Variants in CENPW observed in about 807,000 individuals in gnomAD.
CENPW encodes centromere protein W, also known as cancer-up-regulated gene 2 protein.
Under a neutral mutation model 11.1 loss-of-function variants are expected in CENPW, and 3 were observed. The observed-to-expected ratio is 0.27, with a 90% CI of 0.12 to 0.70. CENPW has a LOEUF of 0.70. CENPW is among the 30% of genes least tolerant of loss of function. CENPW has a pLI of 0.77. For missense variants in CENPW, 100 were observed against 105.6 expected (o/e 0.95, Z 0.23); for synonymous variants, 38 against 42.0 (o/e 0.91, Z 0.37).
the CENPW span, among the ~76,000 whole-genome samples, chr6:126,389,988 T>G: frequency 1.3e-5 from 2 of 151,950 alleles, no homozygotes; most frequent in African/African-American, 4.8e-5. Context: ...CACATACTAG[T>G]CTTTGTAGCC....
At chr6:126,441,186 C>T in the CENPW span, among the ~76,000 whole-genome samples, 1 of 151,328 alleles carries the variant, frequency 6.6e-6, no homozygotes, top group Non-Finnish European at 1.5e-5. Flanking sequence ...GCAATTAGTT[C>T]TGTTATGGCT....
chr6:126,414,473 C>T, the CENPW span, among the ~76,000 whole-genome samples: 14 of 152,014 alleles, frequency 9.2e-5, no homozygotes, highest in African/African-American at 2.9e-4. Context: ...TATCAGTGAA[C>T]TAAAACTGAA....
downstream of CENPW, among the ~76,000 whole-genome samples, chr6:126,353,807 A>G (rs972146265): frequency 6.6e-6 from 1 of 151,666 alleles, no homozygotes; most frequent in African/African-American, 2.4e-5. Context: ...TAGTTTGGCT[A>G]TTTCTGTTGA....
chr6:126,470,980 T>C, the CENPW span, among the ~76,000 whole-genome samples: 1 of 152,184 alleles, frequency 6.6e-6, no homozygotes, highest in Non-Finnish European at 1.5e-5. Flanking sequence ...ACTTGCCTTG[T>C]CTCAGATGAA....
At chr6:126,410,687 CTT>C in the CENPW span, among the ~76,000 whole-genome samples, 2 of 151,674 alleles carry the variant, frequency 1.3e-5, no homozygotes, top group Non-Finnish European at 2.9e-5. Flanking sequence ...TTACCTTACT[CTT>C]TTTCATTTTT....
the CENPW span, among the ~76,000 whole-genome samples, chr6:126,369,714 C>G: frequency 6.6e-6 from 1 of 152,122 alleles, no homozygotes; most frequent in African/African-American, 2.4e-5. Context: ...AAGATTTTCT[C>G]CCACTTTGTG....
chr6:126,431,176 G>A, the CENPW span, among the ~76,000 whole-genome samples: 1 of 152,116 alleles, frequency 6.6e-6, no homozygotes, highest in South Asian at 2.1e-4. Flanking sequence ...TTGATTTTAT[G>A]AGATAAACAC....
the CENPW span, among the ~76,000 whole-genome samples, chr6:126,455,874 G>T: frequency 0.019 from 2,802 of 151,154 alleles, 87 homozygotes; most frequent in African/African-American, 0.064. Context: ...TTCAGCAAAG[G>T]TTTTGGATAC....
chr6:126,351,037 C>A (rs1170499266), downstream of CENPW, among the ~76,000 whole-genome samples: 2 of 139,198 alleles, frequency 1.4e-5, no homozygotes, highest in Non-Finnish European at 3.1e-5. Flanking sequence ...GAGGTAATGT[C>A]TTTTTTTTTT....
chr6:126,468,826 G>A, the CENPW span, among the ~76,000 whole-genome samples: 1 of 151,976 alleles, frequency 6.6e-6, no homozygotes, highest in Non-Finnish European at 1.5e-5. Context: ...TTTATTTCTT[G>A]AGATGGAGTC....
At chr6:126,439,458 C>T in the CENPW span, among the ~76,000 whole-genome samples, 1 of 151,532 alleles carries the variant, frequency 6.6e-6, no homozygotes, top group Admixed American at 6.6e-5. Flanking sequence ...AAAACTTTGG[C>T]CTATCAGACT....
At chr6:126,443,526 C>T in the CENPW span, among the ~76,000 whole-genome samples, 4 of 151,184 alleles carry the variant, frequency 2.6e-5, no homozygotes, top group African/African-American at 9.7e-5. Context: ...TCTCTTAGAT[C>T]CTTTATTTCA....
the CENPW span, among the ~76,000 whole-genome samples, chr6:126,395,725 C>A: frequency 6.6e-6 from 1 of 152,124 alleles, no homozygotes; most frequent in African/African-American, 2.4e-5. Flanking sequence ...GTGTTGTGAT[C>A]TATGCTGTAT....
At chr6:126,357,151 T>C in the CENPW span, among the ~76,000 whole-genome samples, 5 of 151,186 alleles carry the variant, frequency 3.3e-5, no homozygotes, top group African/African-American at 1.2e-4. Context: ...TTTCTGCATA[T>C]GGCTAGCCAG....
chr6:126,371,017 C>T, the CENPW span, among the ~76,000 whole-genome samples: 1 of 152,030 alleles, frequency 6.6e-6, no homozygotes, highest in African/African-American at 2.4e-5. Context: ...ATCCACCCGC[C>T]CTGCCTCCCA....
At chr6:126,371,704 T>C in the CENPW span, among the ~76,000 whole-genome samples, 2 of 152,174 alleles carry the variant, frequency 1.3e-5, no homozygotes, top group Non-Finnish European at 2.9e-5. Context: ...TGAATCCATC[T>C]GGTCCTGGGC....
the CENPW span, among the ~76,000 whole-genome samples, chr6:126,427,154 C>A: frequency 6.6e-6 from 1 of 152,086 alleles, no homozygotes; most frequent in Non-Finnish European, 1.5e-5. Context: ...GCTCACCTTC[C>A]AAGTGGTTAT....
chr6:126,453,112 A>C, the CENPW span, among the ~76,000 whole-genome samples: 1 of 151,308 alleles, frequency 6.6e-6, no homozygotes, highest in Non-Finnish European at 1.5e-5. Flanking sequence ...GATGGAGAGA[A>C]AGCAAGCAAC....
At chr6:126,418,138 C>T in the CENPW span, among the ~76,000 whole-genome samples, 1 of 152,210 alleles carries the variant, frequency 6.6e-6, no homozygotes, top group Admixed American at 6.5e-5. Flanking sequence ...TTATTATACG[C>T]TGCTGGTCAG....
Sources: gnomAD v4.1 joint callset for allele counts (sites outside exome capture counted in the v4.1 genomes callset) on GRCh38, gnomAD v4.1.1 for gene constraint, MANE v1.5 for transcripts, NCBI Gene and HGNC (gene_info 2026-07-23, HGNC 2026-07-21) for gene names.